The following NRXN3 variants were observed in gnomAD, a reference collection of about 807,000 sequenced individuals.
NRXN3 encodes neurexin III.
Under a neutral mutation model 137.6 loss-of-function variants are expected in NRXN3, and 32 were observed. The ratio of observed to expected loss-of-function variants is 0.23; its 90% confidence interval spans 0.18 to 0.31. The LOEUF (loss-of-function observed/expected upper bound fraction) is 0.31, where lower values mean the gene tolerates loss of function less well. NRXN3 is among the 10% of genes least tolerant of loss of function. NRXN3 has a pLI of 1.00. For synonymous variants in NRXN3, 798 were observed against 784.5 expected (o/e 1.02, Z -0.29); for missense variants, 1,574 against 2,062.5 (o/e 0.76, Z 4.59).
chr14:78,451,788 G>C (rs1029670491), intron 4 of NRXN3, among the ~76,000 whole-genome samples: 2 of 152,194 alleles, frequency 1.3e-5, no homozygotes, highest in African/African-American at 4.8e-5. Flanking sequence ...AGATGGCAGA[G>C]CTATTTTTAG....
At chr14:78,471,859 A>G (rs1268369247) in intron 4 of NRXN3, among the ~76,000 whole-genome samples, 1 of 152,192 alleles carries the variant, frequency 6.6e-6, no homozygotes, top group Non-Finnish European at 1.5e-5. Flanking sequence ...CAAATACTGA[A>G]CAGGATTTTG....
intron 4 of NRXN3, among the ~76,000 whole-genome samples, chr14:78,313,222 C>G (rs1357283992): frequency 4.6e-5 from 7 of 152,184 alleles, no homozygotes. Context: ...CTCTTGCATG[C>G]CTTATGCCCT....
At chr14:78,207,326 G>T (rs372313895) in intron 1 of NRXN3, among the ~76,000 whole-genome samples, 2 of 151,878 alleles carry the variant, frequency 1.3e-5, no homozygotes, top group Admixed American at 6.6e-5. Flanking sequence ...TTCTTCCTGC[G>T]CACTCTACCT....
chr14:78,481,270 T>C (rs1301067355), intron 4 of NRXN3, among the ~76,000 whole-genome samples: 1 of 152,158 alleles, frequency 6.6e-6, no homozygotes, highest in Non-Finnish European at 1.5e-5. Context: ...GCAAAATGAG[T>C]CTTAACTGAT....
At chr14:78,204,643 AAATT>A (rs1265798034) in intron 1 of NRXN3, among the ~76,000 whole-genome samples, 2 of 152,308 alleles carry the variant, frequency 1.3e-5, no homozygotes, top group Admixed American at 6.5e-5. Flanking sequence ...ATTATGATCT[AAATT>A]AAATAATATG....
chr14:78,394,545 C>A (rs890430858), intron 4 of NRXN3, among the ~76,000 whole-genome samples: 1 of 151,406 alleles, frequency 6.6e-6, no homozygotes, highest in Non-Finnish European at 1.5e-5. Flanking sequence ...TTTTTTGTAC[C>A]GTTTTTGTCT....
intron 8 of NRXN3, among the ~76,000 whole-genome samples, chr14:78,756,144 G>A (rs1029664287): frequency 6.6e-6 from 1 of 152,104 alleles, no homozygotes; most frequent in Non-Finnish European, 1.5e-5. Context: ...TATTTTGTGT[G>A]GAAAGTATAA....
chr14:78,913,274 C>CTTTTTTTTTTTTTTTTTTTTTTTTTTTT (rs1157942892), intron 10 of NRXN3, among the ~76,000 whole-genome samples: 4 of 47,852 alleles, frequency 8.4e-5, no homozygotes, highest in Admixed American at 2.5e-4. Flanking sequence ...TTCTTTCTTT[C>CTTTTTTTTTTTTTTTTTTTTTTTTTTTT]TTTTTTTTTT....
chr14:79,853,379 C>A (rs1264290782), intron 20 of NRXN3, among the ~76,000 whole-genome samples: 1 of 152,130 alleles, frequency 6.6e-6, no homozygotes, highest in African/African-American at 2.4e-5. Flanking sequence ...ATTTGAAAAT[C>A]TTTAATGAAA....
intron 16 of NRXN3, among the ~76,000 whole-genome samples, chr14:79,547,737 A>G (rs1002668355): frequency 1.3e-5 from 2 of 152,162 alleles, no homozygotes; most frequent in Non-Finnish European, 2.9e-5. Flanking sequence ...TCATTGATTC[A>G]TTGGGAGGCT....
At chr14:78,442,038 G>A (rs539621274) in intron 4 of NRXN3, among the ~76,000 whole-genome samples, 18 of 151,216 alleles carry the variant, frequency 1.2e-4, no homozygotes, top group Non-Finnish European at 2.5e-4. Flanking sequence ...GGAGCTTGCA[G>A]TGAGCTGAGA....
At chr14:78,315,832 A>G (rs1421902129) in intron 4 of NRXN3, among the ~76,000 whole-genome samples, 2 of 151,182 alleles carry the variant, frequency 1.3e-5, no homozygotes, top group Admixed American at 1.3e-4. Context: ...TTAAGACAAT[A>G]ATAGGAGTAC....
intron 15 of NRXN3, chr14:79,280,706 G>T (rs2081144453): frequency 1.4e-6 from 1 of 692,194 alleles, no homozygotes; most frequent in East Asian, 2.7e-5. Flanking sequence ...TCTCATAAAG[G>T]TTAGTGTTTT....
At chr14:79,072,886 CTTTTT>C in intron 15 of NRXN3, among the ~76,000 whole-genome samples, 1 of 139,240 alleles carries the variant, frequency 7.2e-6, no homozygotes, top group South Asian at 2.3e-4. Flanking sequence ...CTCTCTCTCT[CTTTTT>C]TTTTTTTTTG....
chr14:78,634,036 A>G (rs1316835458), intron 4 of NRXN3, among the ~76,000 whole-genome samples: 1 of 152,164 alleles, frequency 6.6e-6, no homozygotes, highest in Non-Finnish European at 1.5e-5. Flanking sequence ...AACTAGCATG[A>G]TTTTATTCTG....
intron 2 of NRXN3, among the ~76,000 whole-genome samples, chr14:78,267,774 C>A (rs961025890): frequency 6.6e-6 from 1 of 152,144 alleles, no homozygotes; most frequent in African/African-American, 2.4e-5. Flanking sequence ...ACTCTAAATC[C>A]CCCATTAGTG....
At chr14:79,358,285 G>A (rs1302286983) in intron 15 of NRXN3, among the ~76,000 whole-genome samples, 1 of 151,872 alleles carries the variant, frequency 6.6e-6, no homozygotes, top group Non-Finnish European at 1.5e-5. Context: ...TGTCCTGGCC[G>A]GGCATGGTGG....
At chr14:79,459,470 A>T (rs922375101) in intron 15 of NRXN3, among the ~76,000 whole-genome samples, 2 of 152,058 alleles carry the variant, frequency 1.3e-5, no homozygotes, top group African/African-American at 4.8e-5. Flanking sequence ...CCATGGGAAG[A>T]TACAGGGAGA....
chr14:79,128,032 C>T (rs2056826188), intron 15 of NRXN3, among the ~76,000 whole-genome samples: 3 of 150,892 alleles, frequency 2.0e-5, no homozygotes, highest in Non-Finnish European at 4.4e-5. Flanking sequence ...ATTTTGTATC[C>T]TGAGACTTTG....
Sources: allele counts gnomAD v4.1 joint callset (sites outside exome capture counted in the v4.1 genomes callset), GRCh38; gene constraint gnomAD v4.1.1; transcripts MANE v1.5; gene names NCBI Gene and HGNC (gene_info 2026-07-23, HGNC 2026-07-21).